IQCM: variants seen among roughly 807,000 people sequenced by gnomAD.
IQCM encodes the protein IQ motif containing M.
Under a neutral mutation model 57.6 loss-of-function variants are expected in IQCM, and 45 were observed. The ratio of observed to expected loss-of-function variants is 0.78; its 90% CI spans 0.62 to 1.00. The LOEUF (loss-of-function observed/expected upper bound fraction) is 1.00. IQCM is among the 50% of genes least tolerant of loss of function. The pLI is 0.00. For synonymous variants in IQCM, 148 were observed against 158.9 expected (o/e 0.93, Z 0.51); for missense variants, 468 against 511.6 (o/e 0.91, Z 0.82).
intron 12 of IQCM, among the ~76,000 whole-genome samples, chr4:149,449,195 C>T (rs1295256260): frequency 1.4e-5 from 2 of 143,166 alleles, no homozygotes; most frequent in Non-Finnish European, 3.0e-5. Flanking sequence ...CACCCCCCAC[C>T]ACAAGGACAC....
chr4:149,775,896 C>G lies in IQCM; in HGVS notation c.-48-33157G>C, dbSNP rs1483908172. Among the ~76,000 whole-genome samples the G allele has an allele frequency of 4.6e-5, 7 of 152,052 alleles. No homozygotes were observed. In the South Asian group the frequency reaches 1.5e-3, roughly 32 times the overall value. On this transcript the variant is annotated intron_variant, in intron 2 of 13. Transcript: ENST00000636793. ...GGTAACACAAAGGTGGAGAGCTATC[C>G]CTGTCCTCAGTCAGTTTTCAATCTA... is the stretch of plus-strand genomic sequence containing the variant.
chr4:149,776,985 G>A (rs926600484), intron 2 of IQCM, among the ~76,000 whole-genome samples: 8 of 151,964 alleles, frequency 5.3e-5, no homozygotes, highest in African/African-American at 7.3e-5. Flanking sequence ...CCTCCAGACC[G>A]CTTCTCATTC....
At position 149,777,515 on chromosome 4, in the gene IQCM, G is replaced by C. The variant is rs369314778; in HGVS notation, c.-48-34776C>G. 1.3e-5 allele frequency among the ~76,000 whole-genome samples: 2 copies of C among 152,072 alleles called. 1 individual carries two copies. Among genetic ancestry groups the C allele is most frequent in the South Asian group, 4.1e-4 (2 of 4,822 alleles). On this transcript the variant is annotated intron_variant, in intron 2 of 13. Coordinates refer to ENST00000636793, the MANE Select transcript of IQCM (RefSeq NM_001363507.2). ...CAATGAGATTTATATGTCACCCTTT[G>C]AAAAACTGCTGGTAACATTAAAATA... is the stretch of plus-strand genomic sequence containing the variant.
At chr4:149,572,074 G>T (rs922132984) in intron 9 of IQCM, among the ~76,000 whole-genome samples, 3 of 151,796 alleles carry the variant, frequency 2.0e-5, no homozygotes, top group Non-Finnish European at 2.9e-5. Flanking sequence ...ATAACTTATA[G>T]CTCTCACTGA....
intron 7 of IQCM, among the ~76,000 whole-genome samples, chr4:149,645,496 TA>T (rs1031225165): frequency 6.6e-4 from 100 of 152,272 alleles, no homozygotes; most frequent in African/African-American, 2.3e-3. Context: ...GTGCTTAGAT[TA>T]AGAACCAGAA....
chr4:149,702,187 A>T (rs925710704), intron 5 of IQCM, among the ~76,000 whole-genome samples: 2 of 152,024 alleles, frequency 1.3e-5, no homozygotes, highest in Admixed American at 1.3e-4. Flanking sequence ...TAAGATATTC[A>T]CTGGCTCTTA....
intron 5 of IQCM, among the ~76,000 whole-genome samples, chr4:149,694,060 C>T (rs1391446468): frequency 1.3e-5 from 2 of 152,054 alleles, no homozygotes; most frequent in Non-Finnish European, 2.9e-5. Context: ...TCAGCACTTC[C>T]TTATAATACC....
chr4:149,749,149 T>C (rs1285719843), intron 2 of IQCM, among the ~76,000 whole-genome samples: 3 of 152,162 alleles, frequency 2.0e-5, no homozygotes, highest in East Asian at 3.9e-4. Context: ...GGAAACCATT[T>C]GGTATTATCT....
At chr4:149,593,531 T>C (rs138741241) in intron 8 of IQCM, among the ~76,000 whole-genome samples, 3 of 151,954 alleles carry the variant, frequency 2.0e-5, no homozygotes, top group Non-Finnish European at 2.9e-5. Context: ...CCCTGTCTTG[T>C]GCCAGTTTTC....
intron 7 of IQCM, among the ~76,000 whole-genome samples, chr4:149,625,031 ATAGT>A (rs773492755): frequency 6.6e-4 from 100 of 152,242 alleles, no homozygotes; most frequent in Non-Finnish European, 9.3e-4. Context: ...CAAACAATTA[ATAGT>A]TAGGAGACAG....
chr4:149,655,459 T>C (rs1038021872), intron 7 of IQCM, among the ~76,000 whole-genome samples: 8 of 152,188 alleles, frequency 5.3e-5, no homozygotes, highest in African/African-American at 1.7e-4. Flanking sequence ...AAAGTATTTT[T>C]CATGTTTTCC....
Position 149,742,645 on chromosome 4 carries a change from A to T in IQCM, c.37+10T>A, listed in dbSNP as rs1580177755. 2.4e-6 allele frequency: 3 copies of T among 1,228,122 alleles called. No homozygotes were observed. The highest frequency in any genetic ancestry group is 4.1e-5 in the South Asian group (1 of 24,238). The allele number at this position is 1,228,122 out of a possible 1,614,324, so 76.1% of individuals were successfully genotyped here. On this transcript the variant is annotated intron_variant, in intron 3 of 13. Transcript: ENST00000636793. The stretch of plus-strand genomic sequence containing the variant: ...GACTTGTACTATGTTAGGTAAGCAC[A>T]GATACTCACATTTTGCTTTTTCAGG...
chr4:149,533,908 C>A (rs76409759), intron 12 of IQCM, among the ~76,000 whole-genome samples: 11,889 of 152,100 alleles, frequency 0.078, 611 homozygotes, highest in Non-Finnish European at 0.12. Context: ...CCATTCTCTA[C>A]AAACTATCTT....
At chr4:149,408,144 C>G (rs1278511832) in intron 13 of IQCM, among the ~76,000 whole-genome samples, 1 of 151,596 alleles carries the variant, frequency 6.6e-6, no homozygotes, top group East Asian at 1.9e-4. Context: ...CATTTTGTAC[C>G]CCATAAATTT....
chr4:149,725,104 C>T (rs1425947669), intron 5 of IQCM, among the ~76,000 whole-genome samples: 1 of 152,010 alleles, frequency 6.6e-6, no homozygotes, highest in Non-Finnish European at 1.5e-5. Flanking sequence ...AAGATATTTA[C>T]AAAGGATATT....
At chr4:149,481,701 G>GTTTTTTTTTTTTTTTGTTTGT (rs1740837055) in intron 12 of IQCM, among the ~76,000 whole-genome samples, 2 of 51,582 alleles carry the variant, frequency 3.9e-5, no homozygotes, top group African/African-American at 1.5e-4. Context: ...TTCCAGTTTT[G>GTTTTTTTTTTTTTTTGTTTGT]TTTTTTTTTT....
At chr4:149,401,619 T>C (rs181032894) in intron 13 of IQCM, among the ~76,000 whole-genome samples, 5 of 151,860 alleles carry the variant, frequency 3.3e-5, no homozygotes, top group Non-Finnish European at 7.4e-5. Flanking sequence ...GCTGTGAAGA[T>C]GACCAGAACA....
chr4:149,435,027 C>T (rs1735216545), intron 12 of IQCM, among the ~76,000 whole-genome samples: 1 of 152,122 alleles, frequency 6.6e-6, no homozygotes, highest in Non-Finnish European at 1.5e-5. Flanking sequence ...ACTGACTCCC[C>T]ATGGGTGGAC....
chr4:149,654,798 A>G (rs1186864479), intron 7 of IQCM, among the ~76,000 whole-genome samples: 1 of 152,216 alleles, frequency 6.6e-6, no homozygotes, highest in Non-Finnish European at 1.5e-5. Flanking sequence ...AGCACTTGAA[A>G]TGTGGCCAGT....
Sources: allele counts gnomAD v4.1 joint callset (sites outside exome capture counted in the v4.1 genomes callset), GRCh38; gene constraint gnomAD v4.1.1; transcripts MANE v1.5; gene names NCBI Gene and HGNC (gene_info 2026-07-23, HGNC 2026-07-21).